The following ELMOD2 variants were observed in gnomAD, a reference collection of about 807,000 sequenced individuals.
The protein encoded by ELMOD2 is ELMO domain containing 2.
In ELMOD2, 28 loss-of-function variants were observed where a neutral mutation model predicts 41.0. The ratio of observed to expected loss-of-function variants is 0.68; its 90% CI spans 0.51 to 0.94. The LOEUF (loss-of-function observed/expected upper bound fraction) is 0.94, where lower values mean the gene tolerates loss of function less well. ELMOD2 is among the 40% of genes least tolerant of loss of function. ELMOD2 has a pLI of 0.00. For synonymous variants in ELMOD2, 106 were observed against 107.2 expected, an observed-to-expected ratio of 0.99 and a Z score of 0.07; for missense variants, 333 against 343.1, an observed-to-expected ratio of 0.97 and a Z score of 0.23.
At chr4:140,538,667 C>T (rs1735007886) in intron 5 of ELMOD2, among the ~76,000 whole-genome samples, 1 of 152,132 alleles carries the variant, frequency 6.6e-6, no homozygotes, top group African/African-American at 2.4e-5. Context: ...GCCCTCTAGT[C>T]CAGGGAATTT....
At chr4:140,526,780 A>G (rs957240512) in intron 2 of ELMOD2, 4 of 152,240 alleles carry the variant, frequency 2.6e-5, no homozygotes, top group African/African-American at 9.6e-5. Flanking sequence ...ACCTCTTGAT[A>G]AGAAATCTCT....
intron 8 of ELMOD2, among the ~76,000 whole-genome samples, chr4:140,548,061 A>G (rs1029654919): frequency 6.6e-6 from 1 of 152,156 alleles, no homozygotes; most frequent in African/African-American, 2.4e-5. Flanking sequence ...ACTGATTTAT[A>G]TTATAGATCA....
At position 140,540,243 on chromosome 4, in the gene ELMOD2, G is replaced by A; in HGVS notation, c.475G>A (p.Gly159Ser). The A allele has an allele frequency of 6.2e-7, 1 of 1,614,130 alleles. No individual in the cohort carries two copies. The highest frequency in any genetic ancestry group is 8.5e-7 in the Non-Finnish European group (1 of 1,180,024). The change falls in exon 6 of 9, where the codon GGT becomes AGT. Residue 159 changes from glycine to serine, a missense_variant. Physicochemically the swap from Gly to Ser is moderately conservative, Grantham distance 56 (BLOSUM62 0). Coordinates refer to ENST00000323570, the MANE Select transcript of ELMOD2 (RefSeq NM_153702.4). ...SKQWAEIGFQ[G>S]DDPKTDFRGM... Reference sequence around the variant, plus strand: ...GCAGTGGGCTGAAATTGGTTTTCAGGGTGATGATCCCAAGACAGACTTCAG... The same window carrying A: ...GCAGTGGGCTGAAATTGGTTTTCAGAGTGATGATCCCAAGACAGACTTCAG...
chr4:140,540,342 T>C, intron 6 of ELMOD2, 41 bp downstream of exon 6: 1 of 1,606,300 alleles, frequency 6.2e-7, no homozygotes, highest in South Asian at 1.1e-5. Context: ...TAAATGAAAT[T>C]ACATTTAATC....
chr4:140,538,757 T>G (rs1159431939), intron 5 of ELMOD2, among the ~76,000 whole-genome samples: 4 of 152,260 alleles, frequency 2.6e-5, no homozygotes, highest in Non-Finnish European at 5.9e-5. Context: ...CTATGTAATC[T>G]GTCTTGCTTT....
chr4:140,549,379 A>G (rs796407416), intron 8 of ELMOD2, among the ~76,000 whole-genome samples: 1 of 143,688 alleles, frequency 7.0e-6, no homozygotes, highest in East Asian at 2.1e-4. Context: ...GTGTGTGTGT[A>G]TAAACAAGTT....
chr4:140,528,146 G>A (rs984457722), intron 3 of ELMOD2, among the ~76,000 whole-genome samples: 23 of 152,164 alleles, frequency 1.5e-4, no homozygotes, highest in Admixed American at 5.2e-4. Context: ...TTTGTGTCAT[G>A]TCTGTTAGCA....
At chr4:140,533,389 CAG>C (rs1395720599) in intron 3 of ELMOD2, among the ~76,000 whole-genome samples, 1 of 152,056 alleles carries the variant, frequency 6.6e-6, no homozygotes, top group Non-Finnish European at 1.5e-5. Context: ...ACAAGAGTAT[CAG>C]AGCAATTCAA....
Position 140,542,601 on chromosome 4 carries a change from A to C in ELMOD2, c.561A>C (p.Glu187Asp). The C allele has an allele frequency of 6.2e-7, 1 of 1,606,952 alleles. No individual in the cohort carries two copies. The highest frequency in any genetic ancestry group is 8.5e-7 in the Non-Finnish European group (1 of 1,176,112). Residue 187 changes from glutamate (E) to aspartate (D), a missense_variant, in exon 7 of 9, where the codon GAA (glutamate) becomes GAC (aspartate). Coordinates refer to ENST00000323570, the MANE Select transcript of ELMOD2 (RefSeq NM_153702.4). ...LVYFSENYTS[E>D]AHQILSRSNH... ...ATTTCAGTGAAAATTACACTAGTGA[A>C]GCTCATCAGATTCTTTCCCGTTCAA...
intron 6 of ELMOD2, 74 bp downstream of exon 6, chr4:140,540,375 A>C (rs1245736943): frequency 2.6e-6 from 4 of 1,554,464 alleles, no homozygotes; most frequent in Non-Finnish European, 8.8e-7. Context: ...ACTTCTAATA[A>C]GAAGTGATCT....
chr4:140,537,662 C>T, intron 5 of ELMOD2, 121 bp downstream of exon 5: 1 of 1,180,342 alleles, frequency 8.5e-7, no homozygotes, highest in Middle Eastern at 2.1e-4. Context: ...GTTTCTTTGC[C>T]CTTAGAGAAT....
chr4:140,545,281 T>C (rs1407792582), intron 8 of ELMOD2, among the ~76,000 whole-genome samples: 1 of 152,182 alleles, frequency 6.6e-6, no homozygotes, highest in Non-Finnish European at 1.5e-5. Flanking sequence ...GCTTTTCTTT[T>C]GCCCCACAGG....
intron 3 of ELMOD2, among the ~76,000 whole-genome samples, chr4:140,530,155 C>G (rs1424428147): frequency 6.6e-6 from 1 of 152,170 alleles, no homozygotes; most frequent in Non-Finnish European, 1.5e-5. Context: ...ACTGGGGACT[C>G]AGTATCACAT....
At chr4:140,548,194 A>G (rs1735353451) in intron 8 of ELMOD2, among the ~76,000 whole-genome samples, 1 of 152,198 alleles carries the variant, frequency 6.6e-6, no homozygotes, top group Non-Finnish European at 1.5e-5. Context: ...TAAAGGACAT[A>G]AGAATGGTAA....
intron 7 of ELMOD2, 82 bp from the exon 8 acceptor site, chr4:140,543,371 T>C: frequency 2.1e-6 from 3 of 1,450,702 alleles, no homozygotes; most frequent in Non-Finnish European, 1.9e-6. Context: ...TGAAGTCACT[T>C]TCTACTAATT....
chr4:140,534,234 A>G (rs1325997331), intron 3 of ELMOD2, among the ~76,000 whole-genome samples: 1 of 152,210 alleles, frequency 6.6e-6, no homozygotes, highest in Admixed American at 6.5e-5. Context: ...TACAGATATG[A>G]GAAAGAATGT....
chr4:140,540,147 A>G (rs200914282), intron 5 of ELMOD2, 21 bp from the exon 6 acceptor site: 15 of 1,607,518 alleles, frequency 9.3e-6, no homozygotes, highest in Non-Finnish European at 1.2e-5. Flanking sequence ...ATGTCTTAAT[A>G]ATGGAAATAT....
At position 140,525,357 on chromosome 4, in the gene ELMOD2, T is replaced by TAA. The variant is rs60985528; in HGVS notation, c.-9-63_-9-62insAA. ...TTGAGATTTGATCAGTTGTATAAACTTTTTAAATTTTAAAATTCAGTTTAA... is the reference window on the plus strand; with the variant it reads ...TTGAGATTTGATCAGTTGTATAAACTAATTTTAAATTTTAAAATTCAGTTTAA... On this transcript the variant is annotated intron_variant, in intron 1 of 8. Coordinates refer to ENST00000323570, the MANE Select transcript of ELMOD2 (RefSeq NM_153702.4). The TAA allele has an allele frequency of 4.1e-5, 59 of 1,435,652 alleles. 1 individual carries two copies. In the African/African-American group the frequency reaches 5.0e-4, roughly 12 times the overall value. 88.9% of individuals were successfully genotyped at this position (1,435,652 alleles called of 1,614,324 possible). A position where few individuals can be genotyped will look rare whatever the true frequency, so the allele number is the denominator to read the frequency against.
chr4:140,531,605 T>C (rs1734749929), intron 3 of ELMOD2, among the ~76,000 whole-genome samples: 1 of 152,246 alleles, frequency 6.6e-6, no homozygotes, highest in African/African-American at 2.4e-5. Context: ...AGCTGTTAAA[T>C]AGTTGAATAA....
Sources: gnomAD v4.1 joint callset for allele counts (sites outside exome capture counted in the v4.1 genomes callset) on GRCh38, gnomAD v4.1.1 for gene constraint, MANE v1.5 for transcripts, NCBI Gene and HGNC (gene_info 2026-07-23, HGNC 2026-07-21) for gene names.